The following RPS6KA2 variants were observed in gnomAD, a reference collection of about 807,000 sequenced individuals.
RPS6KA2 encodes ribosomal protein S6 kinase alpha-2.
RPS6KA2 carries 42 observed loss-of-function variants against 91.8 expected under a neutral mutation model. The ratio of observed to expected loss-of-function variants is 0.46; its 90% CI spans 0.36 to 0.59. The LOEUF (loss-of-function observed/expected upper bound fraction) is 0.59. RPS6KA2 is among the 20% of genes least tolerant of loss of function. The pLI is 0.00. For missense variants in RPS6KA2, 798 were observed against 978.5 expected, an observed-to-expected ratio of 0.82 and a Z score of 2.46; for synonymous variants, 414 against 393.6, an observed-to-expected ratio of 1.05 and a Z score of -0.61.
chr6:166,719,629 G>C (rs1011587954), intron 2 of RPS6KA2, among the ~76,000 whole-genome samples: 6 of 152,200 alleles, frequency 3.9e-5, no homozygotes, highest in African/African-American at 1.4e-4. Flanking sequence ...CTCAGTGTTT[G>C]ATCATGTATT....
chr6:166,779,383 T>C (rs1366083197), intron 2 of RPS6KA2, among the ~76,000 whole-genome samples: 1 of 152,224 alleles, frequency 6.6e-6, no homozygotes, highest in East Asian at 1.9e-4. Flanking sequence ...ATCCTCAAAA[T>C]TCCTGTGTTG....
At chr6:166,597,247 TGGCGA>T (rs1785565584) in intron 1 of RPS6KA2, among the ~76,000 whole-genome samples, 1 of 152,166 alleles carries the variant, frequency 6.6e-6, no homozygotes, top group African/African-American at 2.4e-5. Flanking sequence ...GCAGAGCTGG[TGGCGA>T]GGCACCCCGT....
intron 2 of RPS6KA2, among the ~76,000 whole-genome samples, chr6:166,759,616 A>C (rs1778113129): frequency 2.0e-5 from 3 of 152,236 alleles, no homozygotes. Flanking sequence ...CAGGAGCTTT[A>C]AAACAATCCC....
intron 2 of RPS6KA2, among the ~76,000 whole-genome samples, chr6:166,715,572 G>A (rs954062621): frequency 5.3e-5 from 8 of 152,242 alleles, no homozygotes; most frequent in Non-Finnish European, 1.2e-4. Context: ...ACGGGGATAC[G>A]TTCTGAGAAA....
chr6:166,584,046 C>G (rs73788054), intron 1 of RPS6KA2, among the ~76,000 whole-genome samples: 8,168 of 152,290 alleles, frequency 0.054, 737 homozygotes, highest in African/African-American at 0.19. Context: ...ATTTAAAATG[C>G]CTTGGTGTGT....
In RPS6KA2 at chr6:166,493,446, AC is replaced by A. The variant is rs1175156105; in HGVS notation, c.748-2706del. On this transcript the variant is annotated intron_variant, in intron 8 of 20. Coordinates refer to ENST00000265678, the MANE Select transcript of RPS6KA2 (RefSeq NM_021135.6). The surrounding 1 kb of genome is among the most constrained non-coding windows in gnomAD (Gnocchi z 4.7). ...TTCTTGGGACGTTATTTACAGTAAG[AC>A]TTTTGCTGTGTTGCTGAGCAGCACT... is the stretch of plus-strand genomic sequence containing the variant. 6.6e-6 allele frequency among the ~76,000 whole-genome samples: 1 copy of A among 152,010 alleles called. No homozygotes were observed. The highest frequency in any genetic ancestry group is 2.4e-5 in the African/African-American group (1 of 41,372).
rs375682123 is a variant in RPS6KA2, at chr6:166,418,105, AT to A, written c.1938+119del. ...ACTCCATTTCAAGAAAAAAAAAAAA[AT>A]ATGCTGAGGATAAAATACCTATACT... On this transcript the variant is annotated intron_variant, in intron 19 of 20. Transcript: ENST00000265678. This position sits in a 1 kb window ranked among gnomAD's most constrained non-coding sequence, Gnocchi z 4.9. 4.2e-4 allele frequency: 296 copies of A among 712,208 alleles called. 2 individuals carry two copies. In the African/African-American group the frequency reaches 4.2e-3, roughly 10 times the overall value. The allele number at this position is 712,208 out of a possible 1,614,324, so 44.1% of individuals were successfully genotyped here. A position where few individuals can be genotyped will look rare whatever the true frequency, so the allele number is the denominator to read the frequency against.
At chr6:166,629,578 C>T (rs1787011036), upstream of RPS6KA2, among the ~76,000 whole-genome samples, 2 of 152,170 alleles carry the variant, frequency 1.3e-5, no homozygotes, top group African/African-American at 4.8e-5. Flanking sequence ...TAATGAAATC[C>T]TCCAAAACCA....
intron 2 of RPS6KA2, among the ~76,000 whole-genome samples, chr6:166,769,661 C>G (rs1444987187): frequency 6.6e-6 from 1 of 152,168 alleles, no homozygotes; most frequent in Non-Finnish European, 1.5e-5. Context: ...AGTAGTACCA[C>G]AAGTATGGAA....
rs1347546137 is a variant in RPS6KA2 at position 166,423,702 on chromosome 6, C to T, written c.1582-285G>A. ...AGTGAGCACCTCTCCAAGTTGAGGC[C>T]GCAGCTTACTGGAGCTGTCACATAA... On this transcript the variant is annotated intron_variant, in intron 16 of 20. Coordinates refer to ENST00000265678, the MANE Select transcript of RPS6KA2 (RefSeq NM_021135.6). The surrounding 1 kb of genome is among the most constrained non-coding windows in gnomAD (Gnocchi z 4.8). Among the ~76,000 whole-genome samples, 4 of 152,190 alleles carry T rather than the reference C, an allele frequency of 2.6e-5. No homozygotes were observed. Among genetic ancestry groups the T allele is most frequent in the South Asian group, 2.1e-4 (1 of 4,832 alleles).
chr6:166,789,639 C>T lies in RPS6KA2; in HGVS notation c.123+68561G>A, dbSNP rs192533353. Among the ~76,000 whole-genome samples, 870 of 152,318 alleles carry T rather than the reference C, an allele frequency of 5.7e-3. 6 individuals are homozygous for T. The highest frequency in any genetic ancestry group is 0.02 in the African/African-American group (817 of 41,572). On this transcript the variant is annotated intron_variant, in intron 2 of 21. Coordinates refer to the RPS6KA2 transcript ENST00000503859. ...AGTAGGGGCAGACTGACACCTCACA[C>T]GGCCGGGTACTCCTCTGAGACAAAA... is the stretch of plus-strand genomic sequence containing the variant.
intron 2 of RPS6KA2, among the ~76,000 whole-genome samples, chr6:166,793,826 T>A (rs982868828): frequency 5.8e-4 from 88 of 152,092 alleles, no homozygotes; most frequent in Non-Finnish European, 9.6e-4. Flanking sequence ...ACTGGATCCC[T>A]TCCTTACACC....
At chr6:166,483,186 C>T (rs775672643) in intron 10 of RPS6KA2, among the ~76,000 whole-genome samples, 5 of 152,314 alleles carry the variant, frequency 3.3e-5, no homozygotes, top group Admixed American at 6.5e-5. Flanking sequence ...AGAGGACACG[C>T]GCAGCTGCAT....
intron 2 of RPS6KA2, among the ~76,000 whole-genome samples, chr6:166,785,430 T>C (rs1778904366): frequency 6.6e-6 from 1 of 152,246 alleles, no homozygotes; most frequent in South Asian, 2.1e-4. Context: ...TGCTCCTTTC[T>C]TCTACTTACT....
chr6:166,734,466 C>T (rs770600046), intron 2 of RPS6KA2, among the ~76,000 whole-genome samples: 20 of 152,200 alleles, frequency 1.3e-4, no homozygotes, highest in Admixed American at 6.5e-5. Context: ...CCATCACCAT[C>T]TTACCATCCA....
chr6:166,643,420 A>T (rs1434757255), intron 2 of RPS6KA2, among the ~76,000 whole-genome samples: 1 of 152,244 alleles, frequency 6.6e-6, no homozygotes, highest in Non-Finnish European at 1.5e-5. Flanking sequence ...GAAAAGAAGT[A>T]ACATTAATGT....
intron 1 of RPS6KA2, among the ~76,000 whole-genome samples, chr6:166,611,948 G>T (rs1310966151): frequency 6.6e-6 from 1 of 152,152 alleles, no homozygotes; most frequent in Non-Finnish European, 1.5e-5. Context: ...TCTCCCTGGG[G>T]CCAAACAAAC....
intron 2 of RPS6KA2, among the ~76,000 whole-genome samples, chr6:166,731,020 A>C (rs986310201): frequency 6.6e-6 from 1 of 152,180 alleles, no homozygotes; most frequent in Admixed American, 6.5e-5. Context: ...AGGCGGGCGG[A>C]TCACCTGAGG....
upstream of RPS6KA2, chr6:166,627,379 C>A: frequency 3.9e-6 from 1 of 255,354 alleles, no homozygotes; most frequent in South Asian, 1.4e-4. Context: ...TACGGCCAAT[C>A]AGCGCTCACC....
Sources: gnomAD v4.1 joint callset for allele counts (sites outside exome capture counted in the v4.1 genomes callset) on GRCh38, gnomAD v4.1.1 for gene constraint, Gnocchi (gnomAD v3.1) non-coding constraint, MANE v1.5 for transcripts, NCBI Gene and HGNC (gene_info 2026-07-23, HGNC 2026-07-21) for gene names.